The following SLC25A36 variants were observed in gnomAD, a reference collection of about 807,000 sequenced individuals.
SLC25A36 encodes epididymis secretory sperm binding protein.
Under a neutral mutation model 35.3 loss-of-function variants are expected in SLC25A36, and 24 were observed. The observed-to-expected ratio is 0.68, with a 90% CI of 0.49 to 0.96. SLC25A36 has a LOEUF of 0.96. Ranked by LOEUF, SLC25A36 falls within the 40% of genes least tolerant of loss-of-function variation. SLC25A36 has a pLI of 0.00. For synonymous variants in SLC25A36, 141 were observed against 132.2 expected (o/e 1.07, Z -0.46); for missense variants, 294 against 381.1 (o/e 0.77, Z 1.90).
At chr3:140,970,347 A>G (rs1387808674) in intron 4 of SLC25A36, 3 of 152,048 alleles carry the variant, frequency 2.0e-5, no homozygotes, top group Non-Finnish European at 4.4e-5. Context: ...TAACCCTAAC[A>G]AAAACCTTAC....
At position 140,975,097 on chromosome 3, in the gene SLC25A36, C is replaced by CTTTTTTTTTTTTTTTTTTTTTTTTT. The variant is rs10662120; in HGVS notation, c.742+1098_742+1122dup. On this transcript the variant is annotated intron_variant, in intron 6 of 6. Coordinates refer to ENST00000324194, the MANE Select transcript of SLC25A36 (RefSeq NM_001104647.3). ...GTACAGTTGATAAACAAGATACATT[C>CTTTTTTTTTTTTTTTTTTTTTTTTT]TTTTTTTTTTTTTTTTTTTTTTTTT... is the stretch of plus-strand genomic sequence containing the variant. Among the ~76,000 whole-genome samples the CTTTTTTTTTTTTTTTTTTTTTTTTT allele has an allele frequency of 1.6e-4, 9 of 55,218 alleles. 2 individuals are homozygous for CTTTTTTTTTTTTTTTTTTTTTTTTT. The highest frequency in any genetic ancestry group is 2.8e-4 in the Non-Finnish European group (8 of 28,238). 36.2% of individuals were successfully genotyped at this position (55,218 alleles called of 152,430 possible). A position where few individuals can be genotyped will look rare whatever the true frequency, so the allele number is the denominator to read the frequency against.
Position 140,941,914 on chromosome 3 carries a change from T to G in SLC25A36, c.-141T>G. On this transcript the variant is annotated 5_prime_UTR_variant, in exon 1 of 7. Coordinates refer to ENST00000324194, the MANE Select transcript of SLC25A36 (RefSeq NM_001104647.3). The stretch of plus-strand genomic sequence containing the variant: ...CGCGGGGAGGGCTGTGCCGGTTGCT[T>G]TCTGCAGCCGCATCTCGGCCAGCTC... 4 of 525,742 alleles carry G rather than the reference T, an allele frequency of 7.6e-6. No individual in the cohort carries two copies. The highest frequency in any genetic ancestry group is 3.8e-5 in the East Asian group (1 of 26,248). The allele number at this position is 525,742 out of a possible 1,614,324, so 32.6% of individuals were successfully genotyped here.
chr3:140,966,518 G>GT (rs397874791), intron 4 of SLC25A36: 14,574 of 158,282 alleles, frequency 0.092, 533 homozygotes, highest in East Asian at 0.18. Flanking sequence ...TATTCTGTTG[G>GT]TTTTTTTTTT....
In SLC25A36 at chr3:140,942,078, G is replaced by T; in HGVS notation, c.24G>T (p.Val8=). 1 of 1,489,678 alleles carries T rather than the reference G, an allele frequency of 6.7e-7. No homozygotes were observed. Among genetic ancestry groups the T allele is most frequent in the Non-Finnish European group, 9.0e-7 (1 of 1,108,192 alleles). The allele number at this position is 1,489,678 out of a possible 1,614,324, so 92.3% of individuals were successfully genotyped here. Residue 8 remains valine, a synonymous_variant, in exon 1 of 7, where the codon GTG becomes GTT. Coordinates refer to ENST00000324194, the MANE Select transcript of SLC25A36 (RefSeq NM_001104647.3). ...GAATGAGCCAGAGGGACACGCTGGT[G>T]CATCTGTTTGCCGGAGGGTAAGGTC... MSQRDTL[V]HLFAGGCGGT...
intron 1 of SLC25A36, among the ~76,000 whole-genome samples, chr3:140,954,538 C>A (rs1309365471): frequency 6.6e-6 from 1 of 152,172 alleles, no homozygotes; most frequent in East Asian, 1.9e-4. Context: ...CAGCGGTTGG[C>A]TGTTTGTTGG....
intron 1 of SLC25A36, among the ~76,000 whole-genome samples, chr3:140,955,896 A>G (rs1212557730): frequency 2.0e-5 from 3 of 151,968 alleles, no homozygotes; most frequent in African/African-American, 4.8e-5. Context: ...GTGTCTGGCT[A>G]TGTTGCCCAG....
chr3:140,955,911 A>C (rs1271854343), intron 1 of SLC25A36, among the ~76,000 whole-genome samples: 1 of 152,108 alleles, frequency 6.6e-6, no homozygotes, highest in Admixed American at 6.5e-5. Flanking sequence ...GCCCAGGCTG[A>C]TGTCAAACTG....
intron 1 of SLC25A36, among the ~76,000 whole-genome samples, chr3:140,954,636 T>C (rs1336711921): frequency 6.6e-6 from 1 of 152,254 alleles, no homozygotes; most frequent in Non-Finnish European, 1.5e-5. Flanking sequence ...ACAAATGATT[T>C]GCAGAATTCT....
chr3:140,942,346 G>C lies in SLC25A36; in HGVS notation c.41+251G>C, dbSNP rs944125876. 4.8e-5 allele frequency: 19 copies of C among 392,512 alleles called. No homozygotes were observed. The East Asian group carries it at 7.4e-4, about 15-fold the overall frequency. 24.3% of individuals were successfully genotyped at this position (392,512 alleles called of 1,614,324 possible). On this transcript the variant is annotated intron_variant, in intron 1 of 6. Transcript: ENST00000324194. Reference sequence around the variant, plus strand: ...CGAGAGAGTGAGGCCCGGGCAAAGAGGGTTGAGGCATGAAACCCGGGCCGG... The same window carrying C: ...CGAGAGAGTGAGGCCCGGGCAAAGACGGTTGAGGCATGAAACCCGGGCCGG...
intron 3 of SLC25A36, 34 bp from the exon 4 acceptor site, chr3:140,963,093 C>T (rs2107802315): frequency 7.5e-7 from 1 of 1,327,628 alleles, no homozygotes; most frequent in East Asian, 2.4e-5. Flanking sequence ...GCATTAAGAA[C>T]ATGCTTATTG....
At chr3:140,964,389 A>G (rs1232705093) in intron 4 of SLC25A36, 3 of 151,982 alleles carry the variant, frequency 2.0e-5, no homozygotes, top group Non-Finnish European at 4.4e-5. Flanking sequence ...AACCTTGGGC[A>G]AATTATGTAA....
intron 3 of SLC25A36, among the ~76,000 whole-genome samples, chr3:140,960,226 G>C (rs772302688): frequency 6.6e-6 from 1 of 152,224 alleles, no homozygotes; most frequent in Non-Finnish European, 1.5e-5. Flanking sequence ...CAGGGCTAAG[G>C]CTGCAAAATA....
At chr3:140,943,669 A>G (rs932403579) in intron 1 of SLC25A36, among the ~76,000 whole-genome samples, 34 of 152,038 alleles carry the variant, frequency 2.2e-4, no homozygotes, top group Non-Finnish European at 4.7e-4. Context: ...CTTTTATTTC[A>G]ATTGCTTCAT....
intron 4 of SLC25A36, 98 bp from the exon 5 acceptor site, chr3:140,970,829 C>T: frequency 1.6e-6 from 1 of 616,134 alleles, no homozygotes; most frequent in South Asian, 2.0e-5. Context: ...TATTTATATA[C>T]ATTTTCTTGA....
chr3:140,952,558 CAT>C (rs1213116854), intron 1 of SLC25A36, among the ~76,000 whole-genome samples: 1 of 152,174 alleles, frequency 6.6e-6, no homozygotes, highest in East Asian at 1.9e-4. Flanking sequence ...TACAAAATTT[CAT>C]AGTTACCATT....
chr3:140,970,990 C>A lies in SLC25A36; in HGVS notation c.449C>A (p.Ala150Glu). 7.2e-7 allele frequency: 1 copy of A among 1,394,576 alleles called. No homozygotes were observed. Among genetic ancestry groups the A allele is most frequent in the Non-Finnish European group, 1.0e-6 (1 of 982,352 alleles). 86.4% of individuals were successfully genotyped at this position (1,394,576 alleles called of 1,614,324 possible). A position where few individuals can be genotyped will look rare whatever the true frequency, so the allele number is the denominator to read the frequency against. Reference sequence around the variant, plus strand: ...ATAAAGACTCGGTTACAGCTTGATGCAAGGTATGTTAATTCCTTAAAATAA... The same window carrying A: ...ATAAAGACTCGGTTACAGCTTGATGAAAGGTATGTTAATTCCTTAAAATAA... ...WLIKTRLQLD[A>E]RNRGERRMGA... The change falls in exon 5 of 7, where the codon GCA (alanine) becomes GAA (glutamate). Residue 150 changes from alanine to glutamate, a missense_variant. By Grantham distance (107) the Ala-to-Glu change is moderately radical. Coordinates refer to ENST00000324194, the MANE Select transcript of SLC25A36 (RefSeq NM_001104647.3).
chr3:140,956,606 C>G lies in SLC25A36; in HGVS notation c.121C>G (p.Leu41Val). ...KTRLQSSSVTLYISEVQLNTM... is the reference protein window; with the variant it reads ...KTRLQSSSVTVYISEVQLNTM... ...ACGACTGCAGTCATCTTCTGTGACG[C>G]TTTATATTTCTGAAGTTCAGCTGAA... The change falls in exon 2 of 7, where the codon CTT becomes GTT. Residue 41 changes from leucine to valine, a missense_variant. Transcript: ENST00000324194. The G allele has an allele frequency of 6.2e-7, 1 of 1,613,192 alleles. No individual in the cohort carries two copies. Among genetic ancestry groups the G allele is most frequent in the East Asian group, 2.2e-5 (1 of 44,830 alleles).
chr3:140,947,315 G>A (rs1201841513), intron 1 of SLC25A36, among the ~76,000 whole-genome samples: 2 of 152,052 alleles, frequency 1.3e-5, no homozygotes, highest in Non-Finnish European at 2.9e-5. Context: ...AACGAAAGGG[G>A]GAAATTTACT....
intron 5 of SLC25A36, among the ~76,000 whole-genome samples, chr3:140,971,764 C>G (rs1934909804): frequency 6.6e-6 from 1 of 152,122 alleles, no homozygotes; most frequent in South Asian, 2.1e-4. Context: ...ATGGTCCTAT[C>G]TTATATGTTA....
Sources: allele counts gnomAD v4.1 joint callset (sites outside exome capture counted in the v4.1 genomes callset), GRCh38; gene constraint gnomAD v4.1.1; transcripts MANE v1.5; gene names NCBI Gene and HGNC (gene_info 2026-07-23, HGNC 2026-07-21).